PIWIL1: variants seen among roughly 807,000 people sequenced by gnomAD.
PIWIL1 encodes the protein piwi-like protein 1.
A neutral mutation model predicts 114.4 loss-of-function variants in PIWIL1; 73 were observed. That is an observed-to-expected ratio of 0.64 (90% CI 0.53 to 0.78). The LOEUF (loss-of-function observed/expected upper bound fraction) is 0.78. Among genes scored for constraint, PIWIL1 ranks in the 30% least tolerant of loss-of-function variants. PIWIL1 has a pLI of 0.00. For missense variants in PIWIL1, 723 were observed against 1,063.1 expected (o/e 0.68, Z 4.45); for synonymous variants, 375 against 369.0 (o/e 1.02, Z -0.19).
intron 12 of PIWIL1, among the ~76,000 whole-genome samples, chr12:130,356,176 A>G (rs2073360104): frequency 6.6e-6 from 1 of 152,030 alleles, no homozygotes; most frequent in Non-Finnish European, 1.5e-5. Context: ...GTTTATAGAG[A>G]TAATATATTA....
In PIWIL1 at chr12:130,347,911, T is replaced by A. The variant is rs544994745; in HGVS notation, c.654-192T>A. Among the ~76,000 whole-genome samples, 16 of 152,366 alleles carry A rather than the reference T, an allele frequency of 1.1e-4. No individual in the cohort carries two copies. In the South Asian group the frequency reaches 3.3e-3, roughly 32 times the overall value. Reference sequence around the variant, plus strand: ...ATAATTCATGTATCATGAAATAATCTTTTATTTTTTCCAACCTCAAAGATA... The same window carrying A: ...ATAATTCATGTATCATGAAATAATCATTTATTTTTTCCAACCTCAAAGATA... On this transcript the variant is annotated intron_variant, in intron 6 of 20. Coordinates refer to ENST00000245255, the MANE Select transcript of PIWIL1 (RefSeq NM_004764.5).
In PIWIL1 at chr12:130,371,299, G is replaced by A. The variant is rs2073810745; in HGVS notation, c.2445G>A (p.Leu815=). The change falls in exon 20 of 21, where the codon CTG becomes CTA. Residue 815 remains leucine, a synonymous_variant. Transcript: ENST00000245255. ...PDHIQRLTYK[L]CHIYYNWPGV... ...ACATACAGCGCTTGACCTACAAGCT[G>A]TGCCACATCTATTACAACTGGCCAG... is the stretch of plus-strand genomic sequence containing the variant. 1.2e-6 allele frequency: 2 copies of A among 1,614,056 alleles called. No individual in the cohort carries two copies. Among genetic ancestry groups the A allele is most frequent in the African/African-American group, 1.3e-5 (1 of 74,938 alleles).
At chr12:130,402,264 G>A in the PIWIL1 span, among the ~76,000 whole-genome samples, 4 of 152,124 alleles carry the variant, frequency 2.6e-5, no homozygotes, top group African/African-American at 9.7e-5. Flanking sequence ...AAGCTCAAGA[G>A]TTTCTAAGCC....
chr12:130,361,639 C>A, intron 16 of PIWIL1, 38 bp downstream of exon 16: 1 of 1,520,074 alleles, frequency 6.6e-7, no homozygotes, highest in Non-Finnish European at 9.1e-7. Flanking sequence ...GCAGTGAGGA[C>A]ATAAAGCAGG....
chr12:130,423,655 G>T, the PIWIL1 span, among the ~76,000 whole-genome samples: 1 of 15,204 alleles, frequency 6.6e-5, no homozygotes, highest in Admixed American at 7.0e-4. Flanking sequence ...GAAACAATAT[G>T]CAAAAAAAAA....
intron 6 of PIWIL1, among the ~76,000 whole-genome samples, chr12:130,347,742 G>A (rs1358668965): frequency 2.0e-5 from 3 of 148,800 alleles, no homozygotes; most frequent in Non-Finnish European, 4.5e-5. Context: ...AGTAAACATC[G>A]TAGGCTTTGA....
intron 1 of PIWIL1, among the ~76,000 whole-genome samples, chr12:130,340,337 C>T (rs996551851): frequency 3.9e-5 from 6 of 152,008 alleles, no homozygotes; most frequent in Non-Finnish European, 8.8e-5. Flanking sequence ...CTTTTTGGCA[C>T]CAGGGACCGA....
downstream of PIWIL1, among the ~76,000 whole-genome samples, chr12:130,376,101 G>A (rs1273981345): frequency 6.6e-6 from 1 of 152,104 alleles, no homozygotes; most frequent in Non-Finnish European, 1.5e-5. Flanking sequence ...CACATCTCCA[G>A]GCCCAGTTTC....
chr12:130,375,570 G>A (rs2073860944), downstream of PIWIL1, among the ~76,000 whole-genome samples: 1 of 152,170 alleles, frequency 6.6e-6, no homozygotes, highest in African/African-American at 2.4e-5. Flanking sequence ...CACCTGCTTG[G>A]GCACAAGACA....
the PIWIL1 span, among the ~76,000 whole-genome samples, chr12:130,402,145 C>T: frequency 2.6e-5 from 4 of 152,348 alleles, no homozygotes; most frequent in Admixed American, 1.3e-4. Flanking sequence ...TCTACCACTG[C>T]GTGCTACTGC....
the PIWIL1 span, chr12:130,419,834 CA>C: frequency 6.6e-5 from 10 of 151,956 alleles, no homozygotes; most frequent in African/African-American, 2.4e-4. The surrounding 1 kb of genome is among the most constrained non-coding windows in gnomAD (Gnocchi z 4.3). Context: ...ATGCAAAGAC[CA>C]AAAGTTATAA....
chr12:130,361,212 C>T lies in PIWIL1; in HGVS notation c.1698C>T (p.Asp566=). 2 of 1,614,138 alleles carry T rather than the reference C, an allele frequency of 1.2e-6. 1 individual carries two copies. The highest frequency in any genetic ancestry group is 1.7e-6 in the Non-Finnish European group (2 of 1,180,032). The stretch of plus-strand genomic sequence containing the variant: ...GTCTGTTGTCAAGTAATCGGAAGGA[C>T]AAATACGATGCTATTAAAAAATACC... The part of the protein sequence containing the change: ...VVCLLSSNRK[D]KYDAIKKYLC... Residue 566 remains aspartate, a synonymous_variant, in exon 15 of 21, where the codon GAC becomes GAT. Transcript: ENST00000245255.
the PIWIL1 span, among the ~76,000 whole-genome samples, chr12:130,409,049 G>T: frequency 6.6e-6 from 1 of 152,172 alleles, no homozygotes. Context: ...CATTATTCAT[G>T]TTACAGGGAA....
the PIWIL1 span, among the ~76,000 whole-genome samples, chr12:130,410,061 C>T: frequency 6.6e-6 from 1 of 152,250 alleles, no homozygotes; most frequent in Non-Finnish European, 1.5e-5. Context: ...CTGCGACGGC[C>T]AGCCGTTTTA....
the PIWIL1 span, chr12:130,407,619 G>A: frequency 2.2e-6 from 2 of 906,922 alleles, no homozygotes; most frequent in Non-Finnish European, 3.7e-6. Flanking sequence ...GGATGGTTCG[G>A]AGAGAAGGAA....
chr12:130,395,912 C>T, the PIWIL1 span, among the ~76,000 whole-genome samples: 217 of 152,024 alleles, frequency 1.4e-3, 1 homozygote, highest in African/African-American at 4.8e-3. Flanking sequence ...ATACTGACTC[C>T]GTGCGAATGA....
the PIWIL1 span, among the ~76,000 whole-genome samples, chr12:130,409,647 A>T: frequency 6.6e-6 from 1 of 152,046 alleles, no homozygotes; most frequent in East Asian, 1.9e-4. Flanking sequence ...CCGGCCCAGA[A>T]TGTAGCTTTT....
At chr12:130,338,907 G>A (rs1021191223) in intron 1 of PIWIL1, among the ~76,000 whole-genome samples, 1 of 151,028 alleles carries the variant, frequency 6.6e-6, no homozygotes, top group Admixed American at 6.6e-5. Flanking sequence ...TGCAGGGGCC[G>A]GGGTGAGAGG....
the PIWIL1 span, among the ~76,000 whole-genome samples, chr12:130,399,458 T>C: frequency 1.3e-5 from 2 of 152,106 alleles, no homozygotes; most frequent in Admixed American, 6.6e-5. Flanking sequence ...TAAAGGCAGA[T>C]TGATTGATTA....
Sources: gnomAD v4.1 joint callset for allele counts (sites outside exome capture counted in the v4.1 genomes callset) on GRCh38, gnomAD v4.1.1 for gene constraint, Gnocchi (gnomAD v3.1) non-coding constraint, MANE v1.5 for transcripts, NCBI Gene and HGNC (gene_info 2026-07-23, HGNC 2026-07-21) for gene names.